The following MGAT5 variants were observed in gnomAD, a reference collection of about 807,000 sequenced individuals.
The protein encoded by MGAT5 is alpha-1,6-mannosylglycoprotein 6-beta-N-acetylglucosaminyltransferase, also known as alpha-1,6-mannosylglycoprotein 6-beta-N-acetylglucosaminyltransferase A.
In MGAT5, 30 loss-of-function variants were observed where a neutral mutation model predicts 94.3. The observed-to-expected ratio is 0.32, with a 90% CI of 0.24 to 0.43. MGAT5 has a LOEUF of 0.43. Among genes scored for constraint, MGAT5 ranks in the 20% least tolerant of loss-of-function variants. The pLI is 1.00. For missense variants in MGAT5, 691 were observed against 905.5 expected (o/e 0.76, Z 3.04); for synonymous variants, 310 against 322.9 (o/e 0.96, Z 0.43).
chr2:134,334,461 A>C (rs1319523567), intron 4 of MGAT5, among the ~76,000 whole-genome samples: 6 of 118,874 alleles, frequency 5.0e-5, no homozygotes, highest in Non-Finnish European at 8.2e-5. Context: ...ACTTGGTGTA[A>C]GGTGTATTTC....
chr2:134,286,449 T>A (rs981123095), intron 2 of MGAT5, among the ~76,000 whole-genome samples: 22 of 152,152 alleles, frequency 1.4e-4, no homozygotes, highest in African/African-American at 5.3e-4. Context: ...TTTTTTTTTT[T>A]AAGATGGAGT....
intron 2 of MGAT5, among the ~76,000 whole-genome samples, chr2:134,299,277 C>T (rs1339429263): frequency 1.3e-5 from 2 of 152,148 alleles, no homozygotes; most frequent in Non-Finnish European, 2.9e-5. Flanking sequence ...CAAACAAATT[C>T]CAATTAGAGG....
intron 1 of MGAT5, among the ~76,000 whole-genome samples, chr2:134,216,203 A>G (rs1309395316): frequency 6.6e-6 from 1 of 152,182 alleles, no homozygotes; most frequent in East Asian, 1.9e-4. Context: ...CCAAGTCCAA[A>G]TGAGGCGAGC....
chr2:134,389,824 C>G (rs140123478), intron 10 of MGAT5, among the ~76,000 whole-genome samples: 120 of 152,338 alleles, frequency 7.9e-4, no homozygotes, highest in African/African-American at 2.8e-3. Context: ...GACCAAATGC[C>G]TCCTCTTGTG....
chr2:134,368,140 C>T (rs1308471640), intron 10 of MGAT5, among the ~76,000 whole-genome samples: 1 of 152,218 alleles, frequency 6.6e-6, no homozygotes, highest in African/African-American at 2.4e-5. Flanking sequence ...GCTCCACTGC[C>T]ACTACCCTGG....
chr2:134,173,507 A>T (rs1435333455), intron 1 of MGAT5, among the ~76,000 whole-genome samples: 1 of 152,158 alleles, frequency 6.6e-6, no homozygotes, highest in African/African-American at 2.4e-5. Flanking sequence ...CCTTGTTCTC[A>T]GCTCTGCACC....
intron 1 of MGAT5, among the ~76,000 whole-genome samples, chr2:134,147,610 A>G (rs1686980373): frequency 6.7e-6 from 1 of 150,070 alleles, no homozygotes; most frequent in Admixed American, 6.6e-5. Context: ...AAAAAAAAAA[A>G]GAAAAGAAAA....
Position 134,268,487 on chromosome 2 carries a change from C to T in MGAT5, c.242-1899C>T, listed in dbSNP as rs755011046. ...AGTGACAGAACAGGTGACTGACTCC[C>T]GCTGTCTGTGCCAACTAATGATGTG... is the stretch of plus-strand genomic sequence containing the variant. On this transcript the variant is annotated intron_variant, in intron 1 of 15. Transcript: ENST00000281923. The surrounding 1 kb of genome is among the most constrained non-coding windows in gnomAD (Gnocchi z 4.1). 1.4e-4 allele frequency among the ~76,000 whole-genome samples: 22 copies of T among 152,174 alleles called. No individual in the cohort carries two copies. Among genetic ancestry groups the T allele is most frequent in the Non-Finnish European group, 2.4e-4 (16 of 68,032 alleles).
chr2:134,423,216 G>T (rs1413487492), intron 13 of MGAT5, among the ~76,000 whole-genome samples: 2 of 152,224 alleles, frequency 1.3e-5, no homozygotes, highest in Non-Finnish European at 2.9e-5. Flanking sequence ...ACCTGATTAT[G>T]TTGCTCTCAC....
chr2:134,296,455 T>C (rs2105799358), intron 2 of MGAT5, among the ~76,000 whole-genome samples: 1 of 152,158 alleles, frequency 6.6e-6, no homozygotes, highest in East Asian at 1.9e-4. Context: ...TAAATATTCT[T>C]TTTTTTTCCT....
At chr2:134,164,413 T>C (rs1573774625) in intron 1 of MGAT5, among the ~76,000 whole-genome samples, 1 of 152,150 alleles carries the variant, frequency 6.6e-6, no homozygotes, top group East Asian at 1.9e-4. Flanking sequence ...GGGGACCTCA[T>C]CTTGCCAAGG....
chr2:134,403,254 G>A (rs2106298472), intron 11 of MGAT5, 117 bp downstream of exon 11: 1 of 1,071,238 alleles, frequency 9.3e-7, no homozygotes, highest in Non-Finnish European at 1.3e-6. Flanking sequence ...CTATTTTGGG[G>A]CAGCAGTTTG....
At chr2:134,237,622 C>T (rs1471696787) in intron 1 of MGAT5, among the ~76,000 whole-genome samples, 1 of 62,442 alleles carries the variant, frequency 1.6e-5, no homozygotes, top group South Asian at 7.6e-4. Context: ...TGATTTAATT[C>T]TTTTTTTTTT....
At chr2:134,265,358 A>T (rs1279460414) in intron 1 of MGAT5, among the ~76,000 whole-genome samples, 1 of 152,170 alleles carries the variant, frequency 6.6e-6, no homozygotes, top group Non-Finnish European at 1.5e-5. Flanking sequence ...TGTGACTTGC[A>T]GTTATAGCTC....
intron 8 of MGAT5, 76 bp from the exon 9 acceptor site, chr2:134,349,729 G>A (rs1679251083): frequency 6.6e-7 from 1 of 1,526,076 alleles, no homozygotes; most frequent in African/African-American, 1.4e-5. Context: ...TAGTCTTGAA[G>A]GAAGGGTTAG....
chr2:134,364,703 A>G (rs1471707234), intron 10 of MGAT5, among the ~76,000 whole-genome samples: 1 of 152,182 alleles, frequency 6.6e-6, no homozygotes, highest in Non-Finnish European at 1.5e-5. Context: ...ATAACACCCA[A>G]AAATCCTGGG....
chr2:134,271,713 C>A (rs1395812333), intron 2 of MGAT5, among the ~76,000 whole-genome samples: 1 of 152,112 alleles, frequency 6.6e-6, no homozygotes, highest in East Asian at 1.9e-4. Flanking sequence ...AGTATTCAAC[C>A]AAACAAAGGT....
At chr2:134,229,481 C>A (rs1305180918) in intron 1 of MGAT5, among the ~76,000 whole-genome samples, 2 of 152,164 alleles carry the variant, frequency 1.3e-5, no homozygotes, top group Non-Finnish European at 2.9e-5. Flanking sequence ...TAAATAAGAT[C>A]TTTGCCGTGT....
At chr2:134,157,789 A>G (rs1358922500) in intron 1 of MGAT5, among the ~76,000 whole-genome samples, 1 of 151,984 alleles carries the variant, frequency 6.6e-6, no homozygotes, top group African/African-American at 2.4e-5. Flanking sequence ...CAGGCATTAG[A>G]TTATCATAAG....
Sources: allele counts gnomAD v4.1 joint callset (sites outside exome capture counted in the v4.1 genomes callset), GRCh38; gene constraint gnomAD v4.1.1; non-coding constraint Gnocchi (gnomAD v3.1); transcripts MANE v1.5; gene names NCBI Gene and HGNC (gene_info 2026-07-23, HGNC 2026-07-21).